The following SMIM36 variants were observed in gnomAD, a reference collection of about 807,000 sequenced individuals.
SMIM36 encodes small integral membrane protein 36.
At chr17:55,479,967 C>T (rs926644553) in intron 1 of SMIM36, among the ~76,000 whole-genome samples, 8 of 152,126 alleles carry the variant, frequency 5.3e-5, no homozygotes, top group Admixed American at 2.0e-4. Flanking sequence ...GACCACTTGA[C>T]CTTTTCTTCA....
chr17:55,516,724 A>G, the SMIM36 span, among the ~76,000 whole-genome samples: 3 of 151,918 alleles, frequency 2.0e-5, no homozygotes, highest in South Asian at 4.2e-4. Flanking sequence ...ACGCCCGGCT[A>G]ATTTTTTGTA....
chr17:55,513,588 A>G (rs969472501), upstream of SMIM36, among the ~76,000 whole-genome samples: 4 of 152,190 alleles, frequency 2.6e-5, no homozygotes, highest in Non-Finnish European at 5.9e-5. Context: ...CCAGATGCCT[A>G]CTTTCTTTTG....
chr17:55,465,557 G>A (rs1415663816), intron 4 of SMIM36, among the ~76,000 whole-genome samples: 3 of 152,160 alleles, frequency 2.0e-5, no homozygotes, highest in Non-Finnish European at 4.4e-5. Context: ...AGATGCATAT[G>A]ACAGAATTAG....
chr17:55,460,869 A>G (rs1373075985), intron 4 of SMIM36, among the ~76,000 whole-genome samples: 1 of 152,178 alleles, frequency 6.6e-6, no homozygotes, highest in African/African-American at 2.4e-5. Context: ...AAAAAACAAA[A>G]ACAAAAAAAA....
At chr17:55,464,516 A>C (rs1909202306) in intron 4 of SMIM36, among the ~76,000 whole-genome samples, 1 of 152,144 alleles carries the variant, frequency 6.6e-6, no homozygotes, top group Non-Finnish European at 1.5e-5. Flanking sequence ...AAAATTCTAG[A>C]GTTTGGAAAG....
At chr17:55,515,114 T>TTG (rs1910250895), upstream of SMIM36, among the ~76,000 whole-genome samples, 1 of 133,454 alleles carries the variant, frequency 7.5e-6, no homozygotes, top group Non-Finnish European at 1.6e-5. Flanking sequence ...TTTTTTTTTT[T>TTG]GCGCTGGAAC....
chr17:55,520,104 T>C, the SMIM36 span, among the ~76,000 whole-genome samples: 1 of 152,188 alleles, frequency 6.6e-6, no homozygotes, highest in South Asian at 2.1e-4. Context: ...GCTACTGGTA[T>C]TGTGGTCGTA....
At chr17:55,531,816 T>C in the SMIM36 span, among the ~76,000 whole-genome samples, 1 of 152,144 alleles carries the variant, frequency 6.6e-6, no homozygotes, top group Admixed American at 6.5e-5. Context: ...GAGGACACAA[T>C]AGTACGGAAT....
chr17:55,470,273 G>A (rs1193403517), intron 3 of SMIM36, among the ~76,000 whole-genome samples: 1 of 152,100 alleles, frequency 6.6e-6, no homozygotes, highest in Non-Finnish European at 1.5e-5. Context: ...CTCTCTGATT[G>A]ACTACTTCCC....
intron 3 of SMIM36, among the ~76,000 whole-genome samples, chr17:55,468,670 G>A (rs192232819): frequency 3.3e-5 from 5 of 152,148 alleles, no homozygotes; most frequent in South Asian, 2.1e-4. Context: ...TGGCTCACCC[G>A]CCCCCTTCTC....
the SMIM36 span, among the ~76,000 whole-genome samples, chr17:55,530,656 G>A: frequency 6.6e-6 from 1 of 152,044 alleles, no homozygotes; most frequent in African/African-American, 2.4e-5. Context: ...GGTGGCGGGC[G>A]CCTGTAATCC....
chr17:55,472,464 C>A (rs1394118183), intron 3 of SMIM36, among the ~76,000 whole-genome samples: 1 of 152,240 alleles, frequency 6.6e-6, no homozygotes, highest in Non-Finnish European at 1.5e-5. Flanking sequence ...AAGGCTCTTC[C>A]AGTATCAATG....
At chr17:55,473,423 C>T (rs140670198) in intron 3 of SMIM36, among the ~76,000 whole-genome samples, 1 of 152,312 alleles carries the variant, frequency 6.6e-6, no homozygotes, top group Non-Finnish European at 1.5e-5. Context: ...TCCGAAAAGG[C>T]TACTGCGGTC....
intron 4 of SMIM36, among the ~76,000 whole-genome samples, chr17:55,451,828 G>C (rs1395674523): frequency 6.6e-6 from 1 of 152,114 alleles, no homozygotes; most frequent in Non-Finnish European, 1.5e-5. Flanking sequence ...TGTATGCAGG[G>C]GCTGATGCCT....
At chr17:55,495,619 T>C (rs1271348395) in intron 1 of SMIM36, among the ~76,000 whole-genome samples, 1 of 137,958 alleles carries the variant, frequency 7.2e-6, no homozygotes, top group African/African-American at 3.3e-5. Context: ...GAGAACCCTG[T>C]CTCTATAAAT....
At chr17:55,468,731 C>T (rs1308989301) in intron 3 of SMIM36, among the ~76,000 whole-genome samples, 2 of 152,192 alleles carry the variant, frequency 1.3e-5, no homozygotes, top group African/African-American at 4.8e-5. Context: ...GGGCAAACTT[C>T]CGCCCTCCAT....
intron 1 of SMIM36, among the ~76,000 whole-genome samples, chr17:55,482,066 G>A (rs921993046): frequency 1.4e-4 from 21 of 152,174 alleles, no homozygotes; most frequent in Non-Finnish European, 1.5e-5. Context: ...CCATTGAGCT[G>A]ACCAACCAGG....
upstream of SMIM36, chr17:55,511,533 C>T (rs1910182757): frequency 2.9e-6 from 1 of 348,468 alleles, no homozygotes; most frequent in Non-Finnish European, 5.1e-6. Context: ...AATACCACAG[C>T]CACCAAAACA....
chr17:55,531,238 C>T, the SMIM36 span, among the ~76,000 whole-genome samples: 1 of 152,188 alleles, frequency 6.6e-6, no homozygotes, highest in African/African-American at 2.4e-5. Context: ...CATGACCAAA[C>T]TTCCCTCAAT....
Sources: gnomAD v4.1 joint callset for allele counts (sites outside exome capture counted in the v4.1 genomes callset) on GRCh38, gnomAD v4.1.1 for gene constraint, MANE v1.5 for transcripts, NCBI Gene and HGNC (gene_info 2026-07-23, HGNC 2026-07-21) for gene names.